Variants in GNA13 observed in about 807,000 individuals in gnomAD.
GNA13 encodes G protein subunit alpha 13.
A neutral mutation model predicts 33.5 loss-of-function variants in GNA13; 4 were observed. That is an observed-to-expected ratio of 0.12 (90% CI 0.06 to 0.27). The LOEUF is 0.27. GNA13 is among the 10% of genes least tolerant of loss of function. The pLI, the probability that GNA13 is intolerant of heterozygous loss-of-function variation, is 1.00. For missense variants in GNA13, 319 were observed against 487.2 expected (o/e 0.65, Z 3.25); for synonymous variants, 176 against 183.8 (o/e 0.96, Z 0.34).
intron 2 of GNA13, among the ~76,000 whole-genome samples, chr17:65,025,871 A>C (rs1185823731): frequency 6.6e-6 from 1 of 151,600 alleles, no homozygotes; most frequent in Non-Finnish European, 1.5e-5. Context: ...CTGTGGTCCC[A>C]GCTATTTGGG....
chr17:65,044,894 T>G, intron 2 of GNA13, among the ~76,000 whole-genome samples: 1 of 151,200 alleles, frequency 6.6e-6, no homozygotes, highest in East Asian at 2.0e-4. Flanking sequence ...AATACAAAAA[T>G]TAGCCAGGCA....
rs1315323828 is a variant in GNA13, at chr17:65,010,708, AAC to A, written c.*3547_*3548del. ...ATAAAACTAAAATAAATGAAATGGT[AAC>A]AGAGTGACTTTCTCTAAATTTATTA... On this transcript the variant is annotated 3_prime_UTR_variant, in exon 4 of 4. Coordinates refer to ENST00000439174, the MANE Select transcript of GNA13 (RefSeq NM_006572.6). 1.4e-5 allele frequency: 3 copies of A among 207,998 alleles called. 1 individual carries two copies. The South Asian group carries it at 5.6e-4, about 39-fold the overall frequency. 12.9% of individuals were successfully genotyped at this position (207,998 alleles called of 1,614,324 possible).
intron 2 of GNA13, among the ~76,000 whole-genome samples, chr17:65,044,592 G>A (rs1288550179): frequency 6.7e-6 from 1 of 149,476 alleles, no homozygotes. Flanking sequence ...ATCGAACCCA[G>A]GAATTCAAGA....
chr17:65,014,781 T>C lies in GNA13; in HGVS notation c.610A>G (p.Lys204Glu), dbSNP rs750584124. 6.2e-7 allele frequency: 1 copy of C among 1,613,904 alleles called. No homozygotes were observed. Among genetic ancestry groups the C allele is most frequent in the South Asian group, 1.1e-5 (1 of 91,086 alleles). ...TCAAAGTCGTATTCATGGATGCCTT[T>C]GGTGGGTCTTCTGGCAAGCAGAATA... Reference protein sequence around the residue: ...QDILLARRPTKGIHEYDFEIK... With the variant: ...QDILLARRPTEGIHEYDFEIK... The change falls in exon 4 of 4, where the codon AAA becomes GAA. Residue 204 changes from lysine to glutamate, a missense_variant. By Grantham distance (56) the Lys-to-Glu change is moderately conservative. Around this residue, in one of 4 missense-constraint regions of GNA13, gnomAD observed 134 missense variants for 241.3 expected, o/e 0.56. Coordinates refer to ENST00000439174, the MANE Select transcript of GNA13 (RefSeq NM_006572.6). This position sits in a 1 kb window ranked among gnomAD's most constrained non-coding sequence, Gnocchi z 5.3.
Position 65,018,888 on chromosome 17 carries a change from C to T in GNA13, c.511-585G>A, listed in dbSNP as rs545593235. On this transcript the variant is annotated intron_variant, in intron 2 of 3. Transcript: ENST00000439174. Reference sequence around the variant, plus strand: ...TCCTTTCTGAGCCCAGTTTTCTCGACGAAACTTCCAAGCAATTTCAAACAT... The same window carrying T: ...TCCTTTCTGAGCCCAGTTTTCTCGATGAAACTTCCAAGCAATTTCAAACAT... 1.3e-3 allele frequency among the ~76,000 whole-genome samples: 199 copies of T among 152,240 alleles called. 1 individual carries two copies. Among genetic ancestry groups the T allele is most frequent in the Middle Eastern group, 3.4e-3 (1 of 294 alleles).
chr17:65,028,972 G>C, intron 2 of GNA13, among the ~76,000 whole-genome samples: 1 of 149,948 alleles, frequency 6.7e-6, no homozygotes, highest in East Asian at 2.0e-4. Context: ...AAAAGAAAAA[G>C]AAAAAAAAAG....
rs1906208063 is a variant in GNA13, at chr17:65,012,089, C to T, written c.*2168G>A. On this transcript the variant is annotated 3_prime_UTR_variant, in exon 4 of 4. Coordinates refer to ENST00000439174, the MANE Select transcript of GNA13 (RefSeq NM_006572.6). ...CAGCAGGGAAGAAAACTGCAAATGC[C>T]CAAAATAACATGATATCTATTTGGT... is the stretch of plus-strand genomic sequence containing the variant. 1 of 227,342 alleles carries T rather than the reference C, an allele frequency of 4.4e-6. No individual in the cohort carries two copies. Among genetic ancestry groups the T allele is most frequent in the South Asian group, 1.8e-4 (1 of 5,442 alleles). The allele number at this position is 227,342 out of a possible 1,614,324, so 14.1% of individuals were successfully genotyped here. A position where few individuals can be genotyped will look rare whatever the true frequency, so the allele number is the denominator to read the frequency against.
At chr17:65,053,769 C>A in intron 1 of GNA13, 41 bp from the exon 2 acceptor site, 1 of 1,195,330 alleles carries the variant, frequency 8.4e-7, no homozygotes, top group South Asian at 1.3e-5. Context: ...GGAGAGGAGT[C>A]ATTACATATT....
intron 2 of GNA13, among the ~76,000 whole-genome samples, chr17:65,041,382 C>T (rs1907448014): frequency 6.6e-6 from 1 of 151,754 alleles, no homozygotes; most frequent in African/African-American, 2.4e-5. Flanking sequence ...TTGAGGGGAG[C>T]AAATTTGAAA....
intron 2 of GNA13, among the ~76,000 whole-genome samples, chr17:65,050,417 CTA>C (rs10610073): frequency 0.76 from 115,353 of 152,058 alleles, 47,888 homozygotes; most frequent in East Asian, 0.97. Context: ...TGGAGCATCT[CTA>C]TGTGTCAGGT....
chr17:65,011,397 A>G lies in GNA13; in HGVS notation c.*2860T>C. The G allele has an allele frequency of 5.1e-6, 1 of 196,716 alleles. No homozygotes were observed. The highest frequency in any genetic ancestry group is 1.1e-5 in the Non-Finnish European group (1 of 94,594). 12.2% of individuals were successfully genotyped at this position (196,716 alleles called of 1,614,324 possible). ...TGCAGAGCAATCCAGTGCCCTTTCC[A>G]GATAATAAAATTGAAATGAAGATTT... On this transcript the variant is annotated 3_prime_UTR_variant, in exon 4 of 4. Coordinates refer to ENST00000439174, the MANE Select transcript of GNA13 (RefSeq NM_006572.6).
At position 65,053,631 on chromosome 17, in the gene GNA13, G is replaced by T; in HGVS notation, c.381C>A (p.Thr127=). ...TTCCTTGGGCTGCCATGGGGGCCCG[G>T]GTATCAAACGACATCATCTTATCTC... ...QHGDKMMSFD[T]RAPMAAQGMV... Residue 127 remains threonine, a synonymous_variant, in exon 2 of 4, where the codon ACC becomes ACA. Transcript: ENST00000439174. The T allele has an allele frequency of 6.2e-7, 1 of 1,612,756 alleles. No homozygotes were observed. The highest frequency in any genetic ancestry group is 8.5e-7 in the Non-Finnish European group (1 of 1,178,808).
At chr17:65,019,640 TAGAA>T (rs1276001532) in intron 2 of GNA13, among the ~76,000 whole-genome samples, 6 of 151,988 alleles carry the variant, frequency 3.9e-5, no homozygotes, top group African/African-American at 1.5e-4. Context: ...CCCATGGAGA[TAGAA>T]AGAAGGATGG....
intron 2 of GNA13, among the ~76,000 whole-genome samples, chr17:65,037,778 G>GAAAAAAAAAAAAAAAAA (rs71158360): frequency 1.0e-5 from 1 of 99,140 alleles, no homozygotes; most frequent in Non-Finnish European, 1.8e-5. Context: ...TACAAAAATG[G>GAAAAAAAAAAAAAAAAA]AAAAAAAAAA....
chr17:65,036,243 C>T (rs1907240702), intron 2 of GNA13, among the ~76,000 whole-genome samples: 1 of 152,232 alleles, frequency 6.6e-6, no homozygotes, highest in Non-Finnish European at 1.5e-5. Flanking sequence ...TTTTCAAAAG[C>T]TGATGAATGT....
intron 2 of GNA13, among the ~76,000 whole-genome samples, chr17:65,052,608 G>T (rs1201805630): frequency 6.6e-6 from 1 of 152,208 alleles, no homozygotes; most frequent in East Asian, 1.9e-4. Context: ...AGCATTCACA[G>T]TTAAATTACA....
intron 3 of GNA13, among the ~76,000 whole-genome samples, chr17:65,015,510 A>C (rs1422539536): frequency 1.3e-5 from 2 of 151,852 alleles, no homozygotes; most frequent in Non-Finnish European, 2.9e-5. Flanking sequence ...AAAATACAAA[A>C]AAATTAGCCA....
intron 2 of GNA13, among the ~76,000 whole-genome samples, chr17:65,026,326 TGACAAA>T (rs1906783335): frequency 6.6e-6 from 1 of 152,138 alleles, no homozygotes; most frequent in African/African-American, 2.4e-5. Flanking sequence ...CCAACATAAT[TGACAAA>T]TACAATTTAT....
At position 65,056,706 on chromosome 17, in the gene GNA13, C is replaced by A; in HGVS notation, c.-113G>T. ...GAGGGCGGGGAGCGCGGCGGCGGCC[C>A]GAGCGCGCCCAGGGAGGGAGGGAAC... is the stretch of plus-strand genomic sequence containing the variant. On this transcript the variant is annotated 5_prime_UTR_variant, in exon 1 of 4. Coordinates refer to ENST00000439174, the MANE Select transcript of GNA13 (RefSeq NM_006572.6). 2 of 661,938 alleles carry A rather than the reference C, an allele frequency of 3.0e-6. No individual in the cohort carries two copies. Among genetic ancestry groups the A allele is most frequent in the Admixed American group, 4.9e-5 (1 of 20,582 alleles). 41.0% of individuals were successfully genotyped at this position (661,938 alleles called of 1,614,324 possible).
Sources: gnomAD v4.1 joint callset for allele counts (sites outside exome capture counted in the v4.1 genomes callset) on GRCh38, gnomAD v4.1.1 for gene constraint, gnomAD v4.1.1 regional missense constraint, Gnocchi (gnomAD v3.1) non-coding constraint, MANE v1.5 for transcripts, NCBI Gene and HGNC (gene_info 2026-07-23, HGNC 2026-07-21) for gene names.